LSAMP: variants seen among roughly 807,000 people sequenced by gnomAD.
LSAMP encodes limbic system-associated membrane protein.
Under a neutral mutation model 38.6 loss-of-function variants are expected in LSAMP, and 7 were observed. The observed-to-expected ratio is 0.18, with a 90% CI of 0.10 to 0.34. The LOEUF (loss-of-function observed/expected upper bound fraction) is 0.34. Ranked by LOEUF, LSAMP falls within the 10% of genes least tolerant of loss-of-function variation. The probability of loss-of-function intolerance (pLI) is 1.00; values close to 1 mark genes in which losing one functional copy is unlikely to be tolerated. For synonymous variants in LSAMP, 154 were observed against 166.8 expected (o/e 0.92, Z 0.59); for missense variants, 313 against 420.0 (o/e 0.75, Z 2.23).
At chr3:115,869,301 A>AGAGAGAGAGAGAGAGACT (rs1410947626) in intron 3 of LSAMP, among the ~76,000 whole-genome samples, 1 of 151,450 alleles carries the variant, frequency 6.6e-6, no homozygotes, top group African/African-American at 2.4e-5. Flanking sequence ...AGAGAGAGAG[A>AGAGAGAGAGAGAGAGACT]GACTGACTGA....
At chr3:116,250,698 C>CAAAA (rs3974284) in intron 1 of LSAMP, among the ~76,000 whole-genome samples, 35 of 141,906 alleles carry the variant, frequency 2.5e-4, no homozygotes, top group African/African-American at 9.1e-4. Flanking sequence ...CTTGTATCTA[C>CAAAA]AAAAAAAAAA....
chr3:116,308,157 T>C (rs1251167670), intron 1 of LSAMP, among the ~76,000 whole-genome samples: 5 of 152,002 alleles, frequency 3.3e-5, no homozygotes, highest in Non-Finnish European at 7.4e-5. Flanking sequence ...GCCTATTAGA[T>C]CCTGCTTTTC....
intron 3 of LSAMP, among the ~76,000 whole-genome samples, chr3:115,897,488 C>A (rs945025722): frequency 1.3e-5 from 2 of 151,964 alleles, no homozygotes; most frequent in African/African-American, 4.8e-5. Flanking sequence ...AGTGGTAAAC[C>A]ATAGTGTTCT....
chr3:116,073,796 A>T (rs190313209), intron 2 of LSAMP, among the ~76,000 whole-genome samples: 3 of 152,362 alleles, frequency 2.0e-5, no homozygotes, highest in Admixed American at 6.5e-5. Context: ...TTCATAAAAC[A>T]TGATAGTTAA....
intron 1 of LSAMP, among the ~76,000 whole-genome samples, chr3:116,409,152 T>C (rs1229639778): frequency 2.0e-5 from 3 of 152,052 alleles, no homozygotes; most frequent in South Asian, 2.1e-4. Context: ...GACATTGTTA[T>C]GAGACACAGT....
chr3:116,413,870 A>C (rs1343358582), intron 1 of LSAMP, among the ~76,000 whole-genome samples: 1 of 151,318 alleles, frequency 6.6e-6, no homozygotes, highest in Non-Finnish European at 1.5e-5. Flanking sequence ...AGAAAGTTGA[A>C]AACAGTCACC....
intron 1 of LSAMP, among the ~76,000 whole-genome samples, chr3:116,378,460 G>C (rs567360959): frequency 6.6e-6 from 1 of 152,106 alleles, no homozygotes; most frequent in Admixed American, 6.6e-5. Flanking sequence ...CTCTCAAAGA[G>C]TTTAGGTTCC....
intron 1 of LSAMP, among the ~76,000 whole-genome samples, chr3:116,255,909 A>G (rs76968362): frequency 1.4e-4 from 21 of 151,976 alleles, no homozygotes; most frequent in East Asian, 1.2e-3. Flanking sequence ...TTATTTATTT[A>G]TTTTTTTTGG....
intron 6 of LSAMP, among the ~76,000 whole-genome samples, chr3:115,840,280 T>C (rs1016288494): frequency 8.5e-5 from 13 of 152,306 alleles, no homozygotes; most frequent in Non-Finnish European, 8.8e-5. Context: ...TAAGTGAATG[T>C]TGTTCTGCTT....
chr3:115,927,877 C>T (rs1248994173), intron 3 of LSAMP, among the ~76,000 whole-genome samples: 1 of 152,218 alleles, frequency 6.6e-6, no homozygotes, highest in East Asian at 1.9e-4. Context: ...TTGCTCCAGC[C>T]ACATACCTCG....
At chr3:116,387,684 C>T (rs1032770147) in intron 1 of LSAMP, among the ~76,000 whole-genome samples, 10 of 152,010 alleles carry the variant, frequency 6.6e-5, no homozygotes, top group East Asian at 1.9e-4. Flanking sequence ...CAAACAACAT[C>T]GGGATTTCCT....
intron 1 of LSAMP, chr3:116,360,152 G>GCA (rs1224870852): frequency 7.0e-6 from 1 of 143,794 alleles, no homozygotes; most frequent in Non-Finnish European, 1.5e-5. Flanking sequence ...GTGTGTGTGC[G>GCA]CACCGTGCGC....
intron 1 of LSAMP, among the ~76,000 whole-genome samples, chr3:116,322,971 T>C (rs555981058): frequency 2.6e-5 from 4 of 152,234 alleles, no homozygotes; most frequent in Admixed American, 2.0e-4. Flanking sequence ...GTGAACAATG[T>C]GACAAAATAT....
At chr3:116,181,961 C>T (rs1710495358) in intron 1 of LSAMP, among the ~76,000 whole-genome samples, 1 of 151,848 alleles carries the variant, frequency 6.6e-6, no homozygotes, top group Admixed American at 6.6e-5. Flanking sequence ...CATTTAGGAA[C>T]CATTATTGTA....
At chr3:116,085,351 A>G (rs960228710) in intron 2 of LSAMP, among the ~76,000 whole-genome samples, 2 of 152,244 alleles carry the variant, frequency 1.3e-5, no homozygotes, top group African/African-American at 4.8e-5. Context: ...TAATTTAAAC[A>G]CTACAATAAT....
intron 3 of LSAMP, among the ~76,000 whole-genome samples, chr3:115,869,269 G>GGGA (rs1352019629): frequency 7.8e-6 from 1 of 128,452 alleles, no homozygotes; most frequent in Non-Finnish European, 1.7e-5. Flanking sequence ...TCTTGGAGGG[G>GGGA]GAGAGAGAGA....
At chr3:115,982,145 A>G (rs1939378319) in intron 3 of LSAMP, among the ~76,000 whole-genome samples, 1 of 152,222 alleles carries the variant, frequency 6.6e-6, no homozygotes, top group Non-Finnish European at 1.5e-5. Context: ...ACGGATAGGG[A>G]AAGGATAAAG....
At chr3:116,035,974 C>G (rs1226774072) in intron 2 of LSAMP, among the ~76,000 whole-genome samples, 1 of 152,162 alleles carries the variant, frequency 6.6e-6, no homozygotes, top group Admixed American at 6.5e-5. Context: ...AATAAAAGCC[C>G]CTTCTTACCT....
At chr3:115,929,330 T>G (rs1049800278) in intron 3 of LSAMP, among the ~76,000 whole-genome samples, 2 of 152,152 alleles carry the variant, frequency 1.3e-5, no homozygotes, top group Non-Finnish European at 2.9e-5. Flanking sequence ...CTGAAAGGAT[T>G]GGTGAGAACT....
Sources: gnomAD v4.1 joint callset for allele counts (sites outside exome capture counted in the v4.1 genomes callset) on GRCh38, gnomAD v4.1.1 for gene constraint, MANE v1.5 for transcripts, NCBI Gene and HGNC (gene_info 2026-07-23, HGNC 2026-07-21) for gene names.